ING4: variants seen among roughly 807,000 people sequenced by gnomAD.
ING4 encodes inhibitor of growth family member 4.
A neutral mutation model predicts 33.1 loss-of-function variants in ING4; 28 were observed. That is an observed-to-expected ratio of 0.85 (90% CI 0.63 to 1.16). The LOEUF is 1.16. Among genes scored for constraint, ING4 ranks in the 50% most tolerant of loss-of-function variants. The pLI is 0.00. For missense variants in ING4, 247 were observed against 314.7 expected (o/e 0.78, Z 1.63); for synonymous variants, 87 against 104.4 (o/e 0.83, Z 1.02).
In ING4 at chr12:6,656,474, T is replaced by C. The variant is rs1949356224; in HGVS notation, c.109+253A>G. The C allele has an allele frequency of 3.0e-5, 11 of 361,368 alleles. No individual in the cohort carries two copies. In the South Asian group the frequency reaches 3.4e-4, roughly 11 times the overall value. The allele number at this position is 361,368 out of a possible 1,614,324, so 22.4% of individuals were successfully genotyped here. ...ACAGGTGTGAGCCAGCCTGGCTAAT[T>C]ATTCTCCAGGAAGACATAAAGAACA... On this transcript the variant is annotated intron_variant, in intron 2 of 7. Coordinates refer to ENST00000341550, the MANE Select transcript of ING4 (RefSeq NM_016162.4).
At chr12:6,656,171 CTTTTTTTTT>C (rs199755461) in intron 2 of ING4, among the ~76,000 whole-genome samples, 2 of 141,068 alleles carry the variant, frequency 1.4e-5, no homozygotes, top group African/African-American at 2.6e-5. Flanking sequence ...TTTAATTCTT[CTTTTTTTTT>C]TTTTTTGAGA....
chr12:6,657,905 G>A (rs1949419082), intron 1 of ING4: 1 of 150,222 alleles, frequency 6.7e-6, no homozygotes, highest in African/African-American at 2.4e-5. Flanking sequence ...ACTCCAGCCT[G>A]GTGACAGAGC....
chr12:6,652,407 T>C lies in ING4; in HGVS notation c.509A>G (p.Tyr170Cys). 1 of 1,613,976 alleles carries C rather than the reference T, an allele frequency of 6.2e-7. No homozygotes were observed. Among genetic ancestry groups the C allele is most frequent in the Non-Finnish European group, 8.5e-7 (1 of 1,179,966 alleles). ...GCCAAAGGTCACTGAGGGCATCCCA[T>C]ACTCAGGACTTCTGCATGCCAAGAG... Reference protein sequence around the residue: ...KLKLVRTSPEYGMPSVTFGSV... With the variant: ...KLKLVRTSPECGMPSVTFGSV... The change falls in exon 6 of 8, where the codon TAT becomes TGT. Residue 170 changes from tyrosine (Y) to cysteine (C), a missense_variant. By Grantham distance (194) the Tyr-to-Cys change is radical. This residue lies in a region of ING4 where 198 missense variants were observed against 221.2 expected (regional missense o/e 0.89). Coordinates refer to ENST00000341550, the MANE Select transcript of ING4 (RefSeq NM_016162.4).
At chr12:6,654,971 C>T (rs1418707828) in intron 2 of ING4, among the ~76,000 whole-genome samples, 9 of 152,108 alleles carry the variant, frequency 5.9e-5, no homozygotes, top group Admixed American at 1.3e-4. Context: ...GTGATCTGCC[C>T]GCCTCGGCCT....
At chr12:6,659,326 CG>C (rs1324961702) in intron 1 of ING4, among the ~76,000 whole-genome samples, 1 of 151,012 alleles carries the variant, frequency 6.6e-6, no homozygotes, top group Non-Finnish European at 1.5e-5. Flanking sequence ...GAGGCCGAGG[CG>C]GGTGGCTCAC....
intron 2 of ING4, among the ~76,000 whole-genome samples, chr12:6,654,598 A>C (rs910174835): frequency 7.9e-5 from 12 of 151,834 alleles, no homozygotes; most frequent in African/African-American, 2.7e-4. Flanking sequence ...CAGCCTCCCA[A>C]AGTGTTGGGA....
At position 6,652,917 on chromosome 12, in the gene ING4, A is replaced by G. The variant is rs372015955; in HGVS notation, c.391+19T>C. On this transcript the variant is annotated intron_variant, in intron 4 of 7. Transcript: ENST00000341550. ...TTTCAGTCCTCGCCCCACCTCTCAC[A>G]GCCCCGCCCCCTCCTCACTCTTTTT... The G allele has an allele frequency of 1.9e-6, 3 of 1,599,948 alleles. No homozygotes were observed. Among genetic ancestry groups the G allele is most frequent in the Non-Finnish European group, 2.6e-6 (3 of 1,167,580 alleles).
Position 6,653,041 on chromosome 12 carries a change from G to C in ING4, c.286C>G (p.His96Asp). 1 of 1,614,092 alleles carries C rather than the reference G, an allele frequency of 6.2e-7. No homozygotes were observed. The highest frequency in any genetic ancestry group is 8.5e-7 in the Non-Finnish European group (1 of 1,179,984). The change falls in exon 4 of 8, where the codon CAC becomes GAC. Residue 96 changes from histidine to aspartate, a missense_variant. Around this residue, in one of 3 missense-constraint regions of ING4, gnomAD observed 198 missense variants for 221.2 expected, o/e 0.89. Transcript: ENST00000341550. ...AGGTCTGTGTCCAGCCGCCGAATGT[G>C]TTTGTCCACCTGGGTGGAAAGGAAG... ...AMQTYEMVDK[H>D]IRRLDTDLAR...
chr12:6,657,404 G>A (rs143157442), intron 1 of ING4, among the ~76,000 whole-genome samples: 3,357 of 152,014 alleles, frequency 0.022, 144 homozygotes, highest in African/African-American at 0.077. Flanking sequence ...AGCCGAGATC[G>A]CACCACTGCA....
chr12:6,652,477 C>A (rs776420954), intron 5 of ING4, 59 bp from the exon 6 acceptor site: 46 of 1,576,302 alleles, frequency 2.9e-5, no homozygotes, highest in Non-Finnish European at 3.7e-5. Context: ...AAGCCTGAGG[C>A]TTTCAGAGGT....
Position 6,651,022 on chromosome 12 carries a change from C to T in ING4, c.*173G>A. ...TTAGTGGCTGCGGCACCCCTCCCTACCAGGGTCTGATGCAGCCTCAGCACC... is the reference window on the plus strand; with the variant it reads ...TTAGTGGCTGCGGCACCCCTCCCTATCAGGGTCTGATGCAGCCTCAGCACC... On this transcript the variant is annotated 3_prime_UTR_variant, in exon 8 of 8. Coordinates refer to ENST00000341550, the MANE Select transcript of ING4 (RefSeq NM_016162.4). 1 of 716,934 alleles carries T rather than the reference C, an allele frequency of 1.4e-6. No homozygotes were observed. Among genetic ancestry groups the T allele is most frequent in the South Asian group, 1.7e-5 (1 of 57,186 alleles). The allele number at this position is 716,934 out of a possible 1,614,324, so 44.4% of individuals were successfully genotyped here.
At chr12:6,657,721 G>A (rs1949408294) in intron 1 of ING4, 1 of 151,652 alleles carries the variant, frequency 6.6e-6, no homozygotes, top group Admixed American at 6.6e-5. Context: ...CACGAGGTCA[G>A]GAGTTCGAGA....
chr12:6,652,537 C>A (rs990652074), intron 5 of ING4, 119 bp from the exon 6 acceptor site: 4 of 1,382,328 alleles, frequency 2.9e-6, no homozygotes, highest in African/African-American at 2.9e-5. Flanking sequence ...CCAGCAGATA[C>A]CAAAATGATA....
At chr12:6,652,567 A>G in intron 5 of ING4, 95 bp downstream of exon 5, 1 of 1,382,436 alleles carries the variant, frequency 7.2e-7, no homozygotes, top group African/African-American at 1.4e-5. Flanking sequence ...CTTGGCGCAG[A>G]CATATAGAAA....
rs950937037 is a variant in ING4 at position 6,651,144 on chromosome 12, G to A, written c.*51C>T. ...AGCACAGGCATTCCTCTGCCCACTA[G>A]CCCAAGTCAGGGGATGTGGAAGAAA... On this transcript the variant is annotated 3_prime_UTR_variant, in exon 8 of 8. Coordinates refer to ENST00000341550, the MANE Select transcript of ING4 (RefSeq NM_016162.4). The A allele has an allele frequency of 1.9e-6, 3 of 1,599,294 alleles. No individual in the cohort carries two copies. In the African/African-American group the frequency reaches 4.0e-5, roughly 21 times the overall value.
intron 2 of ING4, chr12:6,656,520 G>A (rs1199593569): frequency 6.3e-6 from 3 of 476,818 alleles, no homozygotes; most frequent in Non-Finnish European, 1.1e-5. Context: ...GAATTCTTGA[G>A]GCGTTTTCAC....
At chr12:6,662,203 G>C (rs1044593818) in intron 1 of ING4, among the ~76,000 whole-genome samples, 1 of 152,066 alleles carries the variant, frequency 6.6e-6, no homozygotes, top group Non-Finnish European at 1.5e-5. Flanking sequence ...TAACCTTCAA[G>C]ACCCTATTCA....
rs1265424467 is a variant in ING4 at position 6,650,475 on chromosome 12, A to C, written c.*720T>G. On this transcript the variant is annotated 3_prime_UTR_variant, in exon 8 of 8. Coordinates refer to ENST00000341550, the MANE Select transcript of ING4 (RefSeq NM_016162.4). ...CGGACAGAGGCACCACTCTGGTTTC[A>C]TGTCGTGTCCTAATTCTGGCATGCC... is the stretch of plus-strand genomic sequence containing the variant. The C allele has an allele frequency of 6.6e-6, 1 of 152,650 alleles. No individual in the cohort carries two copies. The allele number at this position is 152,650 out of a possible 1,614,324, so 9.5% of individuals were successfully genotyped here.
At chr12:6,662,334 T>G (rs1949581907) in intron 1 of ING4, among the ~76,000 whole-genome samples, 1 of 152,120 alleles carries the variant, frequency 6.6e-6, no homozygotes. Flanking sequence ...TCACAGTGTT[T>G]TATAATTATT....
Sources: allele counts gnomAD v4.1 joint callset (sites outside exome capture counted in the v4.1 genomes callset), GRCh38; gene constraint gnomAD v4.1.1; regional missense constraint gnomAD v4.1.1; transcripts MANE v1.5; gene names NCBI Gene and HGNC (gene_info 2026-07-23, HGNC 2026-07-21).